Variants in COL4A6 observed in about 807,000 individuals in gnomAD.
COL4A6 encodes the protein collagen alpha-6(IV) chain.
A neutral mutation model predicts 126.7 loss-of-function variants in COL4A6; 59 were observed. The observed-to-expected ratio is 0.47, with a 90% CI of 0.38 to 0.58. COL4A6 has a LOEUF of 0.58. Ranked by LOEUF, COL4A6 falls within the 20% of genes least tolerant of loss-of-function variation. The probability of loss-of-function intolerance (pLI) is 0.00; values close to 1 mark genes in which losing one functional copy is unlikely to be tolerated. For missense variants in COL4A6, 1,285 were observed against 1,337.3 expected (o/e 0.96, Z 0.61); for synonymous variants, 547 against 496.6 (o/e 1.10, Z -1.35).
chrX:108,434,650 T>C (rs2064230863), intron 2 of COL4A6, among the ~76,000 whole-genome samples: 1 of 110,182 alleles, frequency 9.1e-6, no homozygotes, highest in Admixed American at 9.8e-5. Flanking sequence ...TATTTGAATT[T>C]CACCTATAAA....
At chrX:108,204,454 C>A (rs1455651936) in intron 11 of COL4A6, 42 bp from the exon 12 acceptor site, 2 of 1,108,230 alleles carry the variant, frequency 1.8e-6, no homozygotes. Context: ...GACAATCACA[C>A]CGACCGTTTT....
At position 108,219,778 on chromosome X, in the gene COL4A6, A is replaced by C. The variant is rs747126687; in HGVS notation, c.280-36T>G. ...GAGTAGGGAGAGGAATGTAAGACAC[A>C]ATCCAACTGATGTTTGTTAGACTCA... On this transcript the variant is annotated intron_variant, in intron 4 of 44. Transcript: ENST00000334504. 11 of 1,113,946 alleles carry C rather than the reference A, an allele frequency of 9.9e-6. No individual in the cohort carries two copies. In the East Asian group the frequency reaches 3.3e-4, roughly 33 times the overall value. 91.8% of individuals were successfully genotyped at this position (1,113,946 alleles called of 1,213,427 possible). A position where few individuals can be genotyped will look rare whatever the true frequency, so the allele number is the denominator to read the frequency against.
intron 2 of COL4A6, among the ~76,000 whole-genome samples, chrX:108,326,251 A>G (rs1440075327): frequency 8.9e-6 from 1 of 112,616 alleles, no homozygotes; most frequent in Non-Finnish European, 1.9e-5. Flanking sequence ...ATTTCTGTAA[A>G]CTAGCAACAA....
At chrX:108,272,418 T>C (rs2037475584) in intron 3 of COL4A6, among the ~76,000 whole-genome samples, 1 of 111,771 alleles carries the variant, frequency 8.9e-6, no homozygotes, top group South Asian at 3.8e-4. Context: ...ACACTGATTC[T>C]CACTTTTGAG....
At chrX:108,337,277 C>A (rs1409796721) in intron 2 of COL4A6, among the ~76,000 whole-genome samples, 2 of 111,404 alleles carry the variant, frequency 1.8e-5, no homozygotes, top group Non-Finnish European at 3.8e-5. Flanking sequence ...GACACTCACT[C>A]CTGGTAATTC....
upstream of COL4A6, chrX:108,438,503 C>T: frequency 1.0e-6 from 1 of 968,225 alleles, no homozygotes; most frequent in South Asian, 4.8e-5. Context: ...CTACCTTGGG[C>T]AGCCGGTAGT....
intron 2 of COL4A6, among the ~76,000 whole-genome samples, chrX:108,355,625 G>A (rs1466484310): frequency 8.9e-6 from 1 of 111,948 alleles, no homozygotes; most frequent in East Asian, 2.8e-4. Context: ...TGATATGACA[G>A]AGCCTGGCAG....
At position 108,174,618 on chromosome X, in the gene COL4A6, T is replaced by A. The variant is rs1207374623; in HGVS notation, c.2960A>T (p.Asp987Val). 1 of 1,153,979 alleles carries A rather than the reference T, an allele frequency of 8.7e-7. No homozygotes were observed. The highest frequency in any genetic ancestry group is 1.1e-6 in the Non-Finnish European group (1 of 872,055). Residue 987 changes from aspartate to valine, a missense_variant, in exon 31 of 45, where the codon GAC (aspartate) becomes GTC (valine). By Grantham distance (152) the Asp-to-Val change is radical. Transcript: ENST00000334504. ...GSNGFPGPRG[D>V]KGEAGRPGPP... Reference sequence around the variant, plus strand: ...TCCAGGTCGACCAGCCTCTCCTTTGTCACCTGTAAAAGAAATAAAAAGACT... The same window carrying A: ...TCCAGGTCGACCAGCCTCTCCTTTGACACCTGTAAAAGAAATAAAAAGACT...
chrX:108,169,293 G>T (rs1017169265), intron 37 of COL4A6, among the ~76,000 whole-genome samples: 9 of 112,026 alleles, frequency 8.0e-5, no homozygotes, highest in African/African-American at 2.9e-4. Flanking sequence ...GGTGAACTGT[G>T]CCCTGACAGT....
intron 4 of COL4A6, 114 bp from the exon 5 acceptor site, chrX:108,219,856 C>T (rs1028630420): frequency 3.0e-5 from 15 of 506,245 alleles, no homozygotes; most frequent in Admixed American, 2.8e-4. Flanking sequence ...TTCGTACCCC[C>T]CTCCCCATAT....
chrX:108,395,388 C>T (rs2040942190), intron 2 of COL4A6, among the ~76,000 whole-genome samples: 2 of 111,746 alleles, frequency 1.8e-5, no homozygotes, highest in Admixed American at 1.9e-4. Context: ...TGTGCCCCAT[C>T]AGCCAAAGGA....
At chrX:108,343,847 G>A (rs967307714) in intron 2 of COL4A6, among the ~76,000 whole-genome samples, 12 of 107,377 alleles carry the variant, frequency 1.1e-4, no homozygotes, top group Non-Finnish European at 1.3e-4. Flanking sequence ...AGGGGTGAGC[G>A]TTGGGGGGAG....
chrX:108,326,287 T>C (rs1364710609), intron 2 of COL4A6, among the ~76,000 whole-genome samples: 1 of 112,535 alleles, frequency 8.9e-6, no homozygotes, highest in Non-Finnish European at 1.9e-5. Context: ...AATAAAAATG[T>C]CATATGATAA....
At chrX:108,391,176 G>A (rs934826319) in intron 2 of COL4A6, among the ~76,000 whole-genome samples, 3 of 111,667 alleles carry the variant, frequency 2.7e-5, no homozygotes, top group African/African-American at 9.8e-5. Context: ...CAAGGGTGAA[G>A]GGCCCACTTG....
chrX:108,250,936 C>T (rs1410876954), intron 3 of COL4A6, among the ~76,000 whole-genome samples: 1 of 111,370 alleles, frequency 9.0e-6, no homozygotes, highest in Non-Finnish European at 1.9e-5. Context: ...TCTCATTGTC[C>T]GGGGCCTAGG....
intron 2 of COL4A6, among the ~76,000 whole-genome samples, chrX:108,346,988 C>T (rs1305874942): frequency 8.9e-6 from 1 of 112,183 alleles, no homozygotes. Context: ...CCTAGAGTGT[C>T]GTTTATTGTC....
intron 3 of COL4A6, among the ~76,000 whole-genome samples, chrX:108,305,729 A>G (rs762401330): frequency 8.9e-6 from 1 of 112,042 alleles, no homozygotes; most frequent in African/African-American, 3.3e-5. Flanking sequence ...GTAGTAGGGA[A>G]AGGAAAGAGA....
chrX:108,309,349 TA>T (rs1246714241), intron 3 of COL4A6, among the ~76,000 whole-genome samples: 1 of 110,849 alleles, frequency 9.0e-6, no homozygotes, highest in Non-Finnish European at 1.9e-5. Flanking sequence ...AGGACCCAGA[TA>T]AAGGCCTGGA....
At chrX:108,432,647 C>T (rs1462496054) in intron 2 of COL4A6, among the ~76,000 whole-genome samples, 1 of 110,839 alleles carries the variant, frequency 9.0e-6, no homozygotes, top group Non-Finnish European at 1.9e-5. Context: ...ACCAGACTGG[C>T]TAACATGGTG....
Sources: allele counts gnomAD v4.1 joint callset (sites outside exome capture counted in the v4.1 genomes callset), GRCh38; gene constraint gnomAD v4.1.1; transcripts MANE v1.5; gene names NCBI Gene and HGNC (gene_info 2026-07-23, HGNC 2026-07-21).